Variants in CSRNP3 observed in about 807,000 individuals in gnomAD.
The protein encoded by CSRNP3 is cysteine and serine rich nuclear protein 3.
In CSRNP3, 12 loss-of-function variants were observed where a neutral mutation model predicts 48.0. The observed-to-expected ratio is 0.25, with a 90% CI of 0.16 to 0.41. The LOEUF (loss-of-function observed/expected upper bound fraction) is 0.41. Ranked by LOEUF, CSRNP3 falls within the 10% of genes least tolerant of loss-of-function variation. The pLI, the probability that CSRNP3 is intolerant of heterozygous loss-of-function variation, is 1.00. For missense variants in CSRNP3, 580 were observed against 724.4 expected (o/e 0.80, Z 2.29); for synonymous variants, 263 against 269.7 (o/e 0.98, Z 0.24).
chr2:165,557,623 T>C (rs1025769369), intron 3 of CSRNP3, among the ~76,000 whole-genome samples: 1 of 152,176 alleles, frequency 6.6e-6, no homozygotes, highest in African/African-American at 2.4e-5. Flanking sequence ...CAACCATATA[T>C]ACCCCACACT....
chr2:165,652,587 G>T (rs1316831327), intron 4 of CSRNP3, among the ~76,000 whole-genome samples: 1 of 151,976 alleles, frequency 6.6e-6, no homozygotes, highest in East Asian at 1.9e-4. Context: ...CTGTCACCCA[G>T]ACTGGAGCGC....
At position 165,676,380 on chromosome 2, in the gene CSRNP3, T is replaced by A. The variant is rs746592873; in HGVS notation, c.477T>A (p.Asp159Glu). The change falls in exon 6 of 7, where the codon GAT becomes GAA. Residue 159 changes from aspartate (D) to glutamate (E), a missense_variant. This residue lies in a region of CSRNP3 where 62 missense variants were observed against 66.4 expected (regional missense o/e 0.93). Coordinates refer to ENST00000651982, the MANE Select transcript of CSRNP3 (RefSeq NM_001172173.2). ...TTACACTGGATGACATTTCTGATGA[T>A]GACATTGACCTGGACAACACAGAGG... ...STLTLDDISD[D>E]DIDLDNTEVD... 2.5e-6 allele frequency: 4 copies of A among 1,614,046 alleles called. No individual in the cohort carries two copies. The East Asian group carries it at 8.9e-5, about 36-fold the overall frequency.
At chr2:165,601,441 T>G (rs1315850501) in intron 4 of CSRNP3, among the ~76,000 whole-genome samples, 6 of 152,182 alleles carry the variant, frequency 3.9e-5, no homozygotes, top group Admixed American at 3.9e-4. Flanking sequence ...AAATTGCACA[T>G]GAATGCAAGC....
At chr2:165,616,317 G>C (rs1005465306) in intron 4 of CSRNP3, among the ~76,000 whole-genome samples, 5 of 151,800 alleles carry the variant, frequency 3.3e-5, no homozygotes, top group Non-Finnish European at 7.4e-5. Flanking sequence ...CATTTAATTT[G>C]TTTCTCATTT....
At chr2:165,537,161 G>T (rs1684892129) in intron 3 of CSRNP3, among the ~76,000 whole-genome samples, 1 of 151,488 alleles carries the variant, frequency 6.6e-6, no homozygotes. Context: ...TAAATGTCAG[G>T]AGCGAGGGAT....
intron 4 of CSRNP3, among the ~76,000 whole-genome samples, chr2:165,640,958 G>T (rs1431997126): frequency 1.3e-5 from 2 of 152,098 alleles, no homozygotes; most frequent in African/African-American, 4.8e-5. Flanking sequence ...CAATAAGAAA[G>T]GTCCTTGACA....
chr2:165,656,040 A>C (rs941457919), intron 4 of CSRNP3, among the ~76,000 whole-genome samples: 2 of 152,212 alleles, frequency 1.3e-5, no homozygotes, highest in African/African-American at 4.8e-5. Flanking sequence ...GCAGATAGGA[A>C]AAAAATAATG....
At chr2:165,573,525 C>T (rs916058972) in intron 3 of CSRNP3, among the ~76,000 whole-genome samples, 4 of 152,166 alleles carry the variant, frequency 2.6e-5, no homozygotes, top group Non-Finnish European at 4.4e-5. Context: ...AATATCTTTG[C>T]CAAAGACAGA....
chr2:165,611,510 A>AT (rs980333298), intron 4 of CSRNP3, among the ~76,000 whole-genome samples: 6 of 152,108 alleles, frequency 3.9e-5, no homozygotes, highest in African/African-American at 1.4e-4. Flanking sequence ...ACTGTACCAG[A>AT]TATCACCTCT....
intron 3 of CSRNP3, among the ~76,000 whole-genome samples, chr2:165,575,145 A>G (rs1395047548): frequency 2.6e-5 from 4 of 152,186 alleles, no homozygotes; most frequent in African/African-American, 9.6e-5. Context: ...AATGTCACAG[A>G]CAGGACAAAA....
intron 2 of CSRNP3, among the ~76,000 whole-genome samples, chr2:165,511,883 A>C (rs1684511083): frequency 1.3e-5 from 2 of 152,208 alleles, no homozygotes; most frequent in Admixed American, 1.3e-4. Context: ...TCCAGGGGGC[A>C]GGTTCATAGC....
At chr2:165,559,868 C>T (rs568839035) in intron 3 of CSRNP3, among the ~76,000 whole-genome samples, 70 of 132,958 alleles carry the variant, frequency 5.3e-4, no homozygotes, top group African/African-American at 1.9e-3. Flanking sequence ...GGCACGATCT[C>T]GGCTCACTGC....
chr2:165,645,328 T>C (rs1686793162), intron 4 of CSRNP3, among the ~76,000 whole-genome samples: 1 of 151,754 alleles, frequency 6.6e-6, no homozygotes, highest in Non-Finnish European at 1.5e-5. Flanking sequence ...AGTGAGACTC[T>C]GGTCTCAAAA....
At chr2:165,550,539 G>A (rs1220055584) in intron 3 of CSRNP3, among the ~76,000 whole-genome samples, 1 of 152,136 alleles carries the variant, frequency 6.6e-6, no homozygotes, top group East Asian at 1.9e-4. Flanking sequence ...ACATAAATGT[G>A]AACTAAAATA....
At chr2:165,655,126 TA>T in intron 4 of CSRNP3, among the ~76,000 whole-genome samples, 1 of 152,312 alleles carries the variant, frequency 6.6e-6, no homozygotes, top group Non-Finnish European at 1.5e-5. Context: ...GATTCTTACC[TA>T]AATCCAATTA....
chr2:165,487,463 C>G (rs1174831676), intron 1 of CSRNP3, among the ~76,000 whole-genome samples: 7 of 140,080 alleles, frequency 5.0e-5, no homozygotes, highest in Non-Finnish European at 9.2e-5. Flanking sequence ...AGATACTCCT[C>G]GAGAAGAGCA....
chr2:165,677,069 TCTTTG>T (rs1204521031), intron 6 of CSRNP3, among the ~76,000 whole-genome samples: 1 of 152,214 alleles, frequency 6.6e-6, no homozygotes, highest in Non-Finnish European at 1.5e-5. Context: ...TGTACTTCCA[TCTTTG>T]CTGTTTGCCA....
intron 4 of CSRNP3, among the ~76,000 whole-genome samples, chr2:165,618,220 C>T (rs554099408): frequency 2.0e-4 from 30 of 152,306 alleles, no homozygotes; most frequent in African/African-American, 6.5e-4. Context: ...CTCTCACTTA[C>T]ATTTTTCTTG....
chr2:165,652,764 G>A (rs1312393134), intron 4 of CSRNP3, among the ~76,000 whole-genome samples: 6 of 151,822 alleles, frequency 4.0e-5, no homozygotes, highest in African/African-American at 2.4e-5. Flanking sequence ...GGCTGGTCTC[G>A]AACTCCTGAG....
Sources: gnomAD v4.1 joint callset for allele counts (sites outside exome capture counted in the v4.1 genomes callset) on GRCh38, gnomAD v4.1.1 for gene constraint, gnomAD v4.1.1 regional missense constraint, MANE v1.5 for transcripts, NCBI Gene and HGNC (gene_info 2026-07-23, HGNC 2026-07-21) for gene names.